SLC34A2: variants seen among roughly 807,000 people sequenced by gnomAD.
SLC34A2 encodes sodium-dependent phosphate transport protein 2B.
In SLC34A2, 41 loss-of-function variants were observed where a neutral mutation model predicts 50.8. The ratio of observed to expected loss-of-function variants is 0.81; its 90% CI spans 0.63 to 1.05. The LOEUF is 1.05. SLC34A2 is among the 50% of genes least tolerant of loss of function. SLC34A2 has a pLI of 0.00. For missense variants in SLC34A2, 879 were observed against 876.7 expected (o/e 1.00, Z -0.03); for synonymous variants, 401 against 364.2 (o/e 1.10, Z -1.15).
Position 25,664,223 on chromosome 4 carries a change from T to C in SLC34A2, c.272T>C (p.Ile91Thr). 5 of 1,576,412 alleles carry C rather than the reference T, an allele frequency of 3.2e-6. No homozygotes were observed. The highest frequency in any genetic ancestry group is 4.3e-6 in the Non-Finnish European group (5 of 1,154,342). The change falls in exon 4 of 13, where the codon ATT (isoleucine) becomes ACT (threonine). Residue 91 changes from isoleucine to threonine, a missense_variant. Physicochemically the swap from Ile to Thr is moderately conservative, Grantham distance 89. Transcript: ENST00000382051. ...GCAGAGAGAGACACCAAAGGGAAGA[T>C]TCTCTGTTTCTTCCAAGGGATTGGG... Reference protein sequence around the residue: ...KWSERDTKGKILCFFQGIGRL... With the variant: ...KWSERDTKGKTLCFFQGIGRL...
rs771197378 is a variant in SLC34A2 at position 25,662,848 on chromosome 4, AG to A, written c.250+7del. The stretch of plus-strand genomic sequence containing the variant: ...CTCGGGGATCAAGTGGTCAGGTAAA[AG>A]TGAGGCCAGCTGAGACATTCAGGAG... On this transcript the variant is annotated splice_region_variant and intron_variant, in intron 3 of 12. Transcript: ENST00000382051. The A allele has an allele frequency of 1.2e-5, 19 of 1,614,002 alleles. No individual in the cohort carries two copies. In the African/African-American group the frequency reaches 2.3e-4, roughly 19 times the overall value.
Position 25,661,881 on chromosome 4 carries a change from T to C in SLC34A2, c.-3-617T>C, listed in dbSNP as rs570905918. ...CTTGCACCCTGCCTTTTTCTTTTTT[T>C]TTTTTTTTGAGAAGGAGTTTCACTT... On this transcript the variant is annotated intron_variant, in intron 1 of 12. Coordinates refer to ENST00000382051, the MANE Select transcript of SLC34A2 (RefSeq NM_006424.3). Among the ~76,000 whole-genome samples, 154 of 151,890 alleles carry C rather than the reference T, an allele frequency of 1.0e-3. 1 individual carries two copies. Among genetic ancestry groups the C allele is most frequent in the Non-Finnish European group, 1.8e-3 (119 of 67,916 alleles).
intron 8 of SLC34A2, 85 bp from the exon 9 acceptor site, chr4:25,671,516 C>G (rs550945929): frequency 3.4e-4 from 525 of 1,559,884 alleles, no homozygotes; most frequent in Non-Finnish European, 4.4e-4. Flanking sequence ...GTGGTGTCTG[C>G]GCCTGTTCAT....
Position 25,676,913 on chromosome 4 carries a change from A to C in SLC34A2, c.*164A>C. ...ACTCGATTCCCTTTGGCTTGGTGGT[A>C]GGCCTGCAGGGCACTTTTATTCCAA... On this transcript the variant is annotated 3_prime_UTR_variant, in exon 13 of 13. Coordinates refer to ENST00000382051, the MANE Select transcript of SLC34A2 (RefSeq NM_006424.3). The C allele has an allele frequency of 1.3e-6, 1 of 799,848 alleles. No individual in the cohort carries two copies. The highest frequency in any genetic ancestry group is 2.0e-6 in the Non-Finnish European group (1 of 505,690). The allele number at this position is 799,848 out of a possible 1,614,324, so 49.5% of individuals were successfully genotyped here. A position where few individuals can be genotyped will look rare whatever the true frequency, so the allele number is the denominator to read the frequency against.
chr4:25,671,966 T>C (rs1298582717), intron 9 of SLC34A2, among the ~76,000 whole-genome samples: 2 of 152,116 alleles, frequency 1.3e-5, no homozygotes, highest in African/African-American at 4.8e-5. Context: ...CTTTGCCAGC[T>C]CCACACCACC....
chr4:25,664,311 C>T lies in SLC34A2; in HGVS notation c.360C>T (p.Ser120=), dbSNP rs757904844. 9.2e-5 allele frequency: 148 copies of T among 1,613,846 alleles called. No individual in the cohort carries two copies. In the South Asian group the frequency reaches 1.4e-3, roughly 16 times the overall value. Reference sequence around the variant, plus strand: ...TGTGCTCCCTGGATATTCTTAGTAGCGCCTTCCAGCTGGTTGGAGGTAAGA... The same window carrying T: ...TGTGCTCCCTGGATATTCTTAGTAGTGCCTTCCAGCTGGTTGGAGGTAAGA... The part of the protein sequence containing the change: ...FFVCSLDILS[S]AFQLVGGKMA... The change falls in exon 4 of 13, where the codon AGC becomes AGT. Residue 120 remains serine (S), a synonymous_variant. Coordinates refer to ENST00000382051, the MANE Select transcript of SLC34A2 (RefSeq NM_006424.3).
At chr4:25,663,312 C>T (rs1473031391) in intron 3 of SLC34A2, among the ~76,000 whole-genome samples, 2 of 152,118 alleles carry the variant, frequency 1.3e-5, no homozygotes, top group African/African-American at 4.8e-5. Context: ...GTCATTCATT[C>T]AACAAATGTG....
intron 10 of SLC34A2, 95 bp downstream of exon 10, chr4:25,673,349 G>T (rs1714926751): frequency 1.7e-6 from 2 of 1,176,034 alleles, no homozygotes; most frequent in African/African-American, 3.0e-5. Flanking sequence ...GCCTCTGCAT[G>T]GAGTTTCTCT....
intron 9 of SLC34A2, 50 bp from the exon 10 acceptor site, chr4:25,673,037 A>G: frequency 1.3e-6 from 2 of 1,581,678 alleles, no homozygotes; most frequent in Non-Finnish European, 1.7e-6. Context: ...AACAATCTGT[A>G]GCCGTGGTGG....
chr4:25,677,159 A>C lies in SLC34A2; in HGVS notation c.*410A>C, dbSNP rs1715185486. 1 of 199,724 alleles carries C rather than the reference A, an allele frequency of 5.0e-6. No homozygotes were observed. The highest frequency in any genetic ancestry group is 1.1e-4 in the East Asian group (1 of 8,862). 12.4% of individuals were successfully genotyped at this position (199,724 alleles called of 1,614,324 possible). ...ATGAGGAAGTGTACTCTCTATGACT[A>C]TCAAGCTCAGGCCTCTCCCTTTTTT... On this transcript the variant is annotated 3_prime_UTR_variant, in exon 13 of 13. Coordinates refer to ENST00000382051, the MANE Select transcript of SLC34A2 (RefSeq NM_006424.3).
At chr4:25,667,615 C>T (rs1184003749) in intron 5 of SLC34A2, among the ~76,000 whole-genome samples, 1 of 152,262 alleles carries the variant, frequency 6.6e-6, no homozygotes, top group African/African-American at 2.4e-5. Context: ...GCCCTGCACT[C>T]ATCCACCTAA....
At chr4:25,662,433 T>G in intron 1 of SLC34A2, 65 bp from the exon 2 acceptor site, 1 of 1,414,436 alleles carries the variant, frequency 7.1e-7, no homozygotes, top group Admixed American at 1.7e-5. Flanking sequence ...TGGTTCTTCC[T>G]CTTATAGCAT....
chr4:25,667,956 G>C lies in SLC34A2; in HGVS notation c.600G>C (p.Ala200=). 5 of 1,613,670 alleles carry C rather than the reference G, an allele frequency of 3.1e-6. No individual in the cohort carries two copies. The highest frequency in any genetic ancestry group is 4.2e-6 in the Non-Finnish European group (5 of 1,179,606). The change falls in exon 6 of 13, where the codon GCG becomes GCC. Residue 200 remains alanine (A), a synonymous_variant. Coordinates refer to ENST00000382051, the MANE Select transcript of SLC34A2 (RefSeq NM_006424.3). ...CGTCAATCACCAACACTATTGTTGC[G>C]CTCATGCAGGTGGGAGATCGGAGTG... ...IGTSITNTIV[A]LMQVGDRSEF...
At chr4:25,665,798 G>C (rs1439679287) in intron 4 of SLC34A2, among the ~76,000 whole-genome samples, 1 of 152,158 alleles carries the variant, frequency 6.6e-6, no homozygotes, top group Non-Finnish European at 1.5e-5. Flanking sequence ...GAGCACAGAA[G>C]GGCTTGCTGA....
At position 25,657,856 on chromosome 4, in the gene SLC34A2, G is replaced by A. The variant is rs532950092; in HGVS notation, c.-4+1966G>A. On this transcript the variant is annotated intron_variant, in intron 1 of 12. Coordinates refer to ENST00000382051, the MANE Select transcript of SLC34A2 (RefSeq NM_006424.3). ...GACTCTCCCACTTTGGCCTCCCAAAGTGCTGGGATTATAGGTGTGAGCCAC... is the reference window on the plus strand; with the variant it reads ...GACTCTCCCACTTTGGCCTCCCAAAATGCTGGGATTATAGGTGTGAGCCAC... Among the ~76,000 whole-genome samples, 4 of 152,312 alleles carry A rather than the reference G, an allele frequency of 2.6e-5. No individual in the cohort carries two copies. In the South Asian group the frequency reaches 8.3e-4, roughly 32 times the overall value.
chr4:25,661,330 T>A (rs1714171001), intron 1 of SLC34A2, among the ~76,000 whole-genome samples: 1 of 152,194 alleles, frequency 6.6e-6, no homozygotes, highest in South Asian at 2.1e-4. Flanking sequence ...TCCATCACTC[T>A]TTTCACAGAA....
At chr4:25,667,541 A>G (rs1560237627) in intron 5 of SLC34A2, among the ~76,000 whole-genome samples, 1 of 152,110 alleles carries the variant, frequency 6.6e-6, no homozygotes. Context: ...AAAAGAAAAA[A>G]AACTGATGCT....
chr4:25,669,487 G>A (rs1714697234), intron 6 of SLC34A2, among the ~76,000 whole-genome samples, 160 bp from the exon 7 acceptor site: 1 of 152,192 alleles, frequency 6.6e-6, no homozygotes, highest in African/African-American at 2.4e-5. Flanking sequence ...CAGCCACTTT[G>A]GGGATCGATA....
At chr4:25,675,419 A>T (rs915620583) in intron 12 of SLC34A2, among the ~76,000 whole-genome samples, 2 of 152,246 alleles carry the variant, frequency 1.3e-5, no homozygotes, top group African/African-American at 4.8e-5. Context: ...CATCTGAAAG[A>T]TGGAGGACAT....
Sources: allele counts gnomAD v4.1 joint callset (sites outside exome capture counted in the v4.1 genomes callset), GRCh38; gene constraint gnomAD v4.1.1; transcripts MANE v1.5; gene names NCBI Gene and HGNC (gene_info 2026-07-23, HGNC 2026-07-21).